Variants in TDRP observed in about 807,000 individuals in gnomAD.
TDRP encodes testis development related protein, also known as testis development-related protein.
TDRP carries 12 observed loss-of-function variants against 10.5 expected under a neutral mutation model. That is an observed-to-expected ratio of 1.15 (90% CI 0.73 to 1.86). TDRP has a LOEUF of 1.86. Among genes scored for constraint, TDRP ranks in the 40% most tolerant of loss-of-function variants. The probability of loss-of-function intolerance (pLI) is 0.00; values close to 1 mark genes in which losing one functional copy is unlikely to be tolerated. For missense variants in TDRP, 353 were observed against 229.2 expected (o/e 1.54, Z -3.49); for synonymous variants, 139 against 95.4 (o/e 1.46, Z -2.67).
intron 1 of TDRP, chr8:495,019 C>G: frequency 1.3e-5 from 2 of 156,764 alleles, no homozygotes; most frequent in Non-Finnish European, 2.8e-5. Context: ...ATTACTTGAG[C>G]CCAGGAGTTC....
intron 1 of TDRP, among the ~76,000 whole-genome samples, chr8:515,688 A>C (rs1353624633): frequency 1.3e-5 from 2 of 152,244 alleles, no homozygotes; most frequent in Admixed American, 6.5e-5. Context: ...ACTTACTGAC[A>C]ATTAATTGTT....
chr8:539,407 T>C (rs1266555352), intron 1 of TDRP, among the ~76,000 whole-genome samples: 1 of 152,174 alleles, frequency 6.6e-6, no homozygotes, highest in Non-Finnish European at 1.5e-5. Context: ...GAGAAATAAA[T>C]GTTTGTTGTT....
intron 1 of TDRP, among the ~76,000 whole-genome samples, chr8:531,947 G>C (rs911681355): frequency 6.6e-6 from 1 of 152,166 alleles, no homozygotes; most frequent in African/African-American, 2.4e-5. Context: ...TGGGCCCTGC[G>C]GTGGTTGCGT....
At chr8:494,644 C>G (rs1801079438) in intron 1 of TDRP, 47 bp from the exon 2 acceptor site, 4 of 1,531,904 alleles carry the variant, frequency 2.6e-6, no homozygotes, top group African/African-American at 2.7e-5. Context: ...CATGAATCAA[C>G]AGAATTCCGC....
At chr8:511,105 G>T (rs1163923372) in intron 1 of TDRP, among the ~76,000 whole-genome samples, 4 of 152,078 alleles carry the variant, frequency 2.6e-5, no homozygotes, top group African/African-American at 9.7e-5. Context: ...AAAACAAAAA[G>T]GGAAATGGCA....
intron 1 of TDRP, among the ~76,000 whole-genome samples, chr8:528,026 A>G (rs1802081150): frequency 6.6e-6 from 1 of 152,218 alleles, no homozygotes; most frequent in African/African-American, 2.4e-5. Context: ...AGGGATTAAG[A>G]ATCAGAATAT....
chr8:515,185 G>A (rs374106725), intron 1 of TDRP, among the ~76,000 whole-genome samples: 2 of 152,222 alleles, frequency 1.3e-5, no homozygotes, highest in East Asian at 3.9e-4. Flanking sequence ...CCAAGTACAA[G>A]CACACTGATA....
intron 1 of TDRP, among the ~76,000 whole-genome samples, chr8:534,348 G>C (rs550205927): frequency 3.3e-5 from 5 of 152,180 alleles, no homozygotes; most frequent in South Asian, 2.1e-4. Flanking sequence ...TAGGGTTCCC[G>C]CGAGCCTCTG....
At chr8:516,783 CTT>C (rs1469393431) in intron 1 of TDRP, among the ~76,000 whole-genome samples, 1 of 152,190 alleles carries the variant, frequency 6.6e-6, no homozygotes, top group East Asian at 1.9e-4. Flanking sequence ...GACTTGAAAA[CTT>C]ATGTCCACAA....
intron 1 of TDRP, among the ~76,000 whole-genome samples, chr8:507,703 AGCAAATAAAGAG>A (rs1299797320): frequency 6.6e-6 from 1 of 152,192 alleles, no homozygotes; most frequent in African/African-American, 2.4e-5. Flanking sequence ...CCAATCACTA[AGCAAATAAAGAG>A]GCAAATAACA....
chr8:542,008 G>C (rs965803099), intron 1 of TDRP, among the ~76,000 whole-genome samples: 2 of 152,110 alleles, frequency 1.3e-5, no homozygotes, highest in Non-Finnish European at 2.9e-5. Context: ...AAACGTGAAA[G>C]CAACCAACAT....
At chr8:501,469 C>A (rs1801298007) in intron 1 of TDRP, among the ~76,000 whole-genome samples, 1 of 151,854 alleles carries the variant, frequency 6.6e-6, no homozygotes, top group Admixed American at 6.5e-5. Flanking sequence ...GCCTCAGCCT[C>A]CTGAGTAGCT....
intron 1 of TDRP, among the ~76,000 whole-genome samples, chr8:522,863 A>G (rs1451113635): frequency 6.6e-6 from 1 of 152,202 alleles, no homozygotes; most frequent in Non-Finnish European, 1.5e-5. Flanking sequence ...AGAACATGGA[A>G]TATCTCTTGC....
At chr8:520,376 C>T (rs890987672) in intron 1 of TDRP, among the ~76,000 whole-genome samples, 2 of 152,222 alleles carry the variant, frequency 1.3e-5, no homozygotes, top group African/African-American at 4.8e-5. Flanking sequence ...GAGGCTGCTT[C>T]TCCTCTTATT....
chr8:492,996 A>C (rs1801023612), intron 2 of TDRP, among the ~76,000 whole-genome samples: 1 of 152,212 alleles, frequency 6.6e-6, no homozygotes, highest in Non-Finnish European at 1.5e-5. Context: ...TCTGACAAGA[A>C]AGAAGTATTA....
At chr8:539,137 A>C (rs1447348318) in intron 1 of TDRP, among the ~76,000 whole-genome samples, 1 of 152,164 alleles carries the variant, frequency 6.6e-6, no homozygotes, top group African/African-American at 2.4e-5. Context: ...CTGTGGACTG[A>C]ATGTTTGTGT....
intron 1 of TDRP, among the ~76,000 whole-genome samples, chr8:500,661 G>T (rs1036265782): frequency 6.6e-6 from 1 of 152,202 alleles, no homozygotes; most frequent in Non-Finnish European, 1.5e-5. Context: ...CAAGCATTAA[G>T]TTCTGAATTA....
At chr8:501,174 C>G (rs1350249797) in intron 1 of TDRP, among the ~76,000 whole-genome samples, 1 of 151,714 alleles carries the variant, frequency 6.6e-6, no homozygotes, top group Non-Finnish European at 1.5e-5. Context: ...CCACTGCACT[C>G]CAGCCTGGGC....
intron 1 of TDRP, among the ~76,000 whole-genome samples, chr8:506,321 G>A (rs1351229733): frequency 3.3e-5 from 5 of 152,154 alleles, no homozygotes; most frequent in Admixed American, 6.5e-5. Flanking sequence ...GGCAGCGGGG[G>A]GAGGGGAGGA....
Sources: allele counts gnomAD v4.1 joint callset (sites outside exome capture counted in the v4.1 genomes callset), GRCh38; gene constraint gnomAD v4.1.1; transcripts MANE v1.5; gene names NCBI Gene and HGNC (gene_info 2026-07-23, HGNC 2026-07-21).